SLC45A2: variants seen among roughly 807,000 people sequenced by gnomAD.
The protein encoded by SLC45A2 is membrane-associated transporter protein.
A neutral mutation model predicts 45.5 loss-of-function variants in SLC45A2; 36 were observed. That is an observed-to-expected ratio of 0.79 (90% CI 0.61 to 1.04). The LOEUF (loss-of-function observed/expected upper bound fraction) is 1.04, where lower values mean the gene tolerates loss of function less well. Among genes scored for constraint, SLC45A2 ranks in the 50% least tolerant of loss-of-function variants. SLC45A2 has a pLI of 0.00. For synonymous variants in SLC45A2, 306 were observed against 269.3 expected, an observed-to-expected ratio of 1.14 and a Z score of -1.33; for missense variants, 719 against 671.0, an observed-to-expected ratio of 1.07 and a Z score of -0.79.
intron 3 of SLC45A2, among the ~76,000 whole-genome samples, chr5:33,963,111 C>G (rs548963251): frequency 6.6e-6 from 1 of 152,166 alleles, no homozygotes; most frequent in Non-Finnish European, 1.5e-5. Context: ...AATAGCCCCA[C>G]GGGATTATTA....
At chr5:33,982,513 C>T in intron 1 of SLC45A2, 101 bp from the exon 2 acceptor site, 3 of 1,218,578 alleles carry the variant, frequency 2.5e-6, no homozygotes, top group Non-Finnish European at 3.5e-6. Context: ...ATCTTCCTTG[C>T]TTTTATTTTG....
At chr5:33,960,644 C>A (rs1355618672) in intron 3 of SLC45A2, among the ~76,000 whole-genome samples, 1 of 152,144 alleles carries the variant, frequency 6.6e-6, no homozygotes, top group South Asian at 2.1e-4. Flanking sequence ...AAAAAGACTA[C>A]AAATTGGGTG....
At position 33,947,280 on chromosome 5, in the gene SLC45A2, G is replaced by C. The variant is rs533032986; in HGVS notation, c.1251C>G (p.Leu417=). ...CCAGGGTGGAGTAGACATTCGGGAA[G>C]AGCCCAATAAATCCCGTCCCCAGGC... ...LFGLGTGFIG[L]FPNVYSTLVL... The change falls in exon 6 of 7, where the codon CTC becomes CTG. Residue 417 remains leucine (L), a synonymous_variant. Transcript: ENST00000296589. 18 of 1,614,204 alleles carry C rather than the reference G, an allele frequency of 1.1e-5. No homozygotes were observed. The East Asian group carries it at 4.0e-4, about 36-fold the overall frequency.
chr5:33,971,327 A>G (rs541737439), intron 2 of SLC45A2: 3 of 514,020 alleles, frequency 5.8e-6, no homozygotes, highest in South Asian at 2.9e-5. Context: ...AGTTATTCCA[A>G]CTTGTAGGAA....
rs529332867 is a variant in SLC45A2 at position 33,970,784 on chromosome 5, C to T, written c.563-6768G>A. 167 of 260,554 alleles carry T rather than the reference C, an allele frequency of 6.4e-4. 2 individuals carry two copies. Among genetic ancestry groups the T allele is most frequent in the South Asian group, 2.9e-3 (62 of 21,300 alleles). The allele number at this position is 260,554 out of a possible 1,614,324, so 16.1% of individuals were successfully genotyped here. On this transcript the variant is annotated intron_variant, in intron 2 of 6. Transcript: ENST00000296589. ...AGTGGTGGTCAATGAACAGGAAACACAATGTTCTTGTACTTGAGGAGTTTA... is the reference window on the plus strand; with the variant it reads ...AGTGGTGGTCAATGAACAGGAAACATAATGTTCTTGTACTTGAGGAGTTTA...
chr5:33,952,249 C>T (rs868204954), intron 4 of SLC45A2, among the ~76,000 whole-genome samples: 1 of 152,114 alleles, frequency 6.6e-6, no homozygotes, highest in East Asian at 1.9e-4. Context: ...ACCTTGGCCT[C>T]GAAAGCACTG....
intron 5 of SLC45A2, among the ~76,000 whole-genome samples, chr5:33,948,214 T>C (rs35394): frequency 0.073 from 11,098 of 152,278 alleles, 1,254 homozygotes; most frequent in East Asian, 0.42. Flanking sequence ...GACTTTTAAC[T>C]GGGTTCCTCT....
chr5:33,968,685 A>G (rs1752679954), intron 2 of SLC45A2, among the ~76,000 whole-genome samples: 1 of 152,240 alleles, frequency 6.6e-6, no homozygotes, highest in South Asian at 2.1e-4. Flanking sequence ...GTAAACTGTC[A>G]GTACCAAGGA....
intron 5 of SLC45A2, among the ~76,000 whole-genome samples, chr5:33,949,432 C>G (rs1752032797): frequency 6.6e-6 from 1 of 152,114 alleles, no homozygotes; most frequent in South Asian, 2.1e-4. Context: ...GTAGAAAGAG[C>G]AGTTCAGGCA....
chr5:33,981,127 C>T (rs567807415), intron 2 of SLC45A2, among the ~76,000 whole-genome samples: 1 of 152,274 alleles, frequency 6.6e-6, no homozygotes, highest in Admixed American at 6.5e-5. Context: ...TCTTAGGTGC[C>T]TTTAAACACC....
chr5:33,962,122 C>T (rs935374468), intron 3 of SLC45A2, among the ~76,000 whole-genome samples: 1 of 152,096 alleles, frequency 6.6e-6, no homozygotes, highest in Non-Finnish European at 1.5e-5. Context: ...ATCTTGGTGC[C>T]TTTTTAAAAG....
chr5:33,966,427 CTTT>C (rs367752652), intron 2 of SLC45A2, among the ~76,000 whole-genome samples: 53 of 95,160 alleles, frequency 5.6e-4, no homozygotes, highest in African/African-American at 1.9e-3. Flanking sequence ...AAGCTACTTT[CTTT>C]TTTTTTTTTT....
chr5:33,951,720 A>T (rs1752106987), intron 4 of SLC45A2, 43 bp from the exon 5 acceptor site: 2 of 1,613,686 alleles, frequency 1.2e-6, no homozygotes, highest in East Asian at 4.5e-5. Flanking sequence ...AATGCAATGT[A>T]GTAAGAACCC....
At position 33,947,223 on chromosome 5, in the gene SLC45A2, G is replaced by A. The variant is rs1377153145; in HGVS notation, c.1308C>T (p.Ser436=). Residue 436 remains serine (S), a synonymous_variant, in exon 6 of 7, where the codon AGC becomes AGT. Coordinates refer to ENST00000296589, the MANE Select transcript of SLC45A2 (RefSeq NM_016180.5). ...VLCSLFGVMS[S]TLYTVPFNLI... ...GGTTAAAGGGCACAGTGTACAGGGT[G>A]CTGGACATTACACCAAACAGGCTGC... 1 of 1,614,234 alleles carries A rather than the reference G, an allele frequency of 6.2e-7. No homozygotes were observed. The highest frequency in any genetic ancestry group is 8.5e-7 in the Non-Finnish European group (1 of 1,180,034).
At chr5:33,959,523 T>C (rs3776559) in intron 3 of SLC45A2, among the ~76,000 whole-genome samples, 147,189 of 152,192 alleles carry the variant, frequency 0.97, 71,342 homozygotes, top group Non-Finnish European at 1. Flanking sequence ...CTTGTGTGAT[T>C]GAGATAAAAT....
At chr5:33,978,632 G>C (rs953832175) in intron 2 of SLC45A2, among the ~76,000 whole-genome samples, 2 of 152,134 alleles carry the variant, frequency 1.3e-5, no homozygotes, top group Admixed American at 6.5e-5. Context: ...AAAAAGTTTT[G>C]ACTCTACCTA....
At chr5:33,984,157 A>G (rs1753165512) in intron 1 of SLC45A2, 42 bp downstream of exon 1, 10 of 1,612,490 alleles carry the variant, frequency 6.2e-6, no homozygotes, top group Non-Finnish European at 8.5e-6. Context: ...GTACACACTA[A>G]GACACATATC....
Position 33,951,689 on chromosome 5 carries a change from A to T in SLC45A2, c.1033-12T>A. ...CCGCGGTACACAATCTGAAAGAGAG[A>T]TTGGAGGCTGTTGAGGTACAAATGC... On this transcript the variant is annotated splice_polypyrimidine_tract_variant and intron_variant, in intron 4 of 6. Coordinates refer to ENST00000296589, the MANE Select transcript of SLC45A2 (RefSeq NM_016180.5). 6.2e-7 allele frequency: 1 copy of T among 1,614,114 alleles called. No homozygotes were observed. The highest frequency in any genetic ancestry group is 8.5e-7 in the Non-Finnish European group (1 of 1,180,006).
At chr5:33,946,639 C>T (rs1186015652) in intron 6 of SLC45A2, 2 of 1,009,176 alleles carry the variant, frequency 2.0e-6, no homozygotes, top group African/African-American at 3.5e-5. Context: ...TTCCAGCTTT[C>T]CTTCTCACAC....
Sources: gnomAD v4.1 joint callset for allele counts (sites outside exome capture counted in the v4.1 genomes callset) on GRCh38, gnomAD v4.1.1 for gene constraint, MANE v1.5 for transcripts, NCBI Gene and HGNC (gene_info 2026-07-23, HGNC 2026-07-21) for gene names.